The following NCKAP5 variants were observed in gnomAD, a reference collection of about 807,000 sequenced individuals.
The protein encoded by NCKAP5 is nck-associated protein 5.
In NCKAP5, 92 loss-of-function variants were observed where a neutral mutation model predicts 167.0. That is an observed-to-expected ratio of 0.55 (90% CI 0.47 to 0.66). NCKAP5 has a LOEUF of 0.66. Ranked by LOEUF, NCKAP5 falls within the 30% of genes least tolerant of loss-of-function variation. NCKAP5 has a pLI of 0.00. For synonymous variants in NCKAP5, 891 were observed against 877.4 expected, an observed-to-expected ratio of 1.02 and a Z score of -0.27; for missense variants, 2,378 against 2,315.0, an observed-to-expected ratio of 1.03 and a Z score of -0.56.
chr2:133,239,699 T>A (rs1178802637), intron 4 of NCKAP5, among the ~76,000 whole-genome samples: 1 of 152,172 alleles, frequency 6.6e-6, no homozygotes, highest in Admixed American at 6.5e-5. Context: ...TTCTAAAGAG[T>A]TTCTGAAGGA....
intron 19 of NCKAP5, among the ~76,000 whole-genome samples, chr2:132,679,585 T>C (rs1457791639): frequency 2.6e-5 from 4 of 152,044 alleles, no homozygotes; most frequent in African/African-American, 4.8e-5. Flanking sequence ...AGGGAGTTAG[T>C]TTGCACAGAG....
chr2:132,785,884 A>G (rs890438946), intron 13 of NCKAP5, among the ~76,000 whole-genome samples, 166 bp from the exon 14 acceptor site: 7 of 152,256 alleles, frequency 4.6e-5, no homozygotes, highest in Admixed American at 3.9e-4. Context: ...CTATGCAGCA[A>G]ACATTGATTT....
chr2:133,222,495 A>G (rs1440581735), intron 4 of NCKAP5, among the ~76,000 whole-genome samples: 1 of 152,202 alleles, frequency 6.6e-6, no homozygotes, highest in Non-Finnish European at 1.5e-5. Flanking sequence ...TATACTCATG[A>G]GAGAATGAGA....
intron 15 of NCKAP5, among the ~76,000 whole-genome samples, chr2:132,774,401 ATTCT>A (rs1682365591): frequency 6.6e-6 from 1 of 152,074 alleles, no homozygotes; most frequent in Non-Finnish European, 1.5e-5. Context: ...ATTTTTTTTC[ATTCT>A]TTCCATAATC....
intron 5 of NCKAP5, among the ~76,000 whole-genome samples, chr2:133,153,153 T>C (rs2083442480): frequency 6.6e-6 from 1 of 152,180 alleles, no homozygotes; most frequent in Non-Finnish European, 1.5e-5. Context: ...ATAGATGGCA[T>C]GTGAAATATT....
intron 16 of NCKAP5, among the ~76,000 whole-genome samples, chr2:132,770,994 A>C (rs1195504986): frequency 6.6e-6 from 1 of 152,222 alleles, no homozygotes; most frequent in Non-Finnish European, 1.5e-5. Flanking sequence ...ATAGTACAGA[A>C]TATTTGATAA....
chr2:132,714,896 C>T (rs930004517), intron 19 of NCKAP5: 2 of 455,950 alleles, frequency 4.4e-6, no homozygotes, highest in South Asian at 3.1e-5. Flanking sequence ...GCATTTCTAA[C>T]ATACCCAGCC....
chr2:133,106,323 G>A (rs2081697387), intron 6 of NCKAP5, among the ~76,000 whole-genome samples: 1 of 150,468 alleles, frequency 6.6e-6, no homozygotes, highest in African/African-American at 2.4e-5. Context: ...GAAAACTACA[G>A]GAAGCTGATT....
chr2:132,904,063 C>T (rs951372816), intron 8 of NCKAP5, among the ~76,000 whole-genome samples: 1 of 152,000 alleles, frequency 6.6e-6, no homozygotes, highest in African/African-American at 2.4e-5. Flanking sequence ...CTGAGGCAGG[C>T]GGATCCTGAG....
intron 19 of NCKAP5, among the ~76,000 whole-genome samples, chr2:132,693,435 G>A (rs746303088): frequency 6.6e-6 from 1 of 152,004 alleles, no homozygotes. Flanking sequence ...AGAATGCCAT[G>A]TGAAGACAGA....
chr2:133,205,890 G>A (rs904030782), intron 5 of NCKAP5, among the ~76,000 whole-genome samples: 1 of 151,600 alleles, frequency 6.6e-6, no homozygotes, highest in Admixed American at 6.6e-5. Flanking sequence ...TTTTCTAAGG[G>A]CTGATGATTG....
At chr2:132,687,381 A>C (rs947586030) in intron 19 of NCKAP5, among the ~76,000 whole-genome samples, 1 of 152,162 alleles carries the variant, frequency 6.6e-6, no homozygotes, top group African/African-American at 2.4e-5. Context: ...GGGAGGGTGA[A>C]AGAGGGGAAA....
chr2:133,662,327 G>T, the NCKAP5 span, among the ~76,000 whole-genome samples: 32 of 151,990 alleles, frequency 2.1e-4, no homozygotes, highest in Non-Finnish European at 3.5e-4. Context: ...AACTCTGTGG[G>T]TTATCAAGTG....
chr2:133,462,603 G>T (rs925147317), intron 3 of NCKAP5, among the ~76,000 whole-genome samples: 1 of 152,128 alleles, frequency 6.6e-6, no homozygotes, highest in African/African-American at 2.4e-5. Flanking sequence ...ATGAGAACTA[G>T]CAACGCAAGC....
the NCKAP5 span, chr2:133,596,501 G>C: frequency 6.6e-6 from 1 of 152,442 alleles, no homozygotes; most frequent in Non-Finnish European, 1.5e-5. Context: ...ACAATCTCAA[G>C]CATCAGAATG....
intron 3 of NCKAP5, among the ~76,000 whole-genome samples, chr2:133,465,950 G>A (rs1374816897): frequency 1.3e-5 from 2 of 150,470 alleles, no homozygotes; most frequent in South Asian, 2.1e-4. Flanking sequence ...TTTCTCCCAT[G>A]TTGTAGGTTG....
the NCKAP5 span, among the ~76,000 whole-genome samples, chr2:133,669,149 A>G: frequency 1.3e-5 from 2 of 152,206 alleles, no homozygotes; most frequent in African/African-American, 4.8e-5. Context: ...CACAACTACT[A>G]TAATCACATA....
chr2:133,550,831 T>G (rs1217318384), intron 2 of NCKAP5, among the ~76,000 whole-genome samples: 3 of 140,122 alleles, frequency 2.1e-5, no homozygotes, highest in Non-Finnish European at 4.6e-5. Flanking sequence ...GACGACATGA[T>G]TGTATATCTA....
chr2:133,653,798 T>C, the NCKAP5 span, among the ~76,000 whole-genome samples: 1 of 152,182 alleles, frequency 6.6e-6, no homozygotes, highest in African/African-American at 2.4e-5. Context: ...CTGTGGAAAT[T>C]AGCCTTTCTG....
Sources: gnomAD v4.1 joint callset for allele counts (sites outside exome capture counted in the v4.1 genomes callset) on GRCh38, gnomAD v4.1.1 for gene constraint, MANE v1.5 for transcripts, NCBI Gene and HGNC (gene_info 2026-07-23, HGNC 2026-07-21) for gene names.